Variants in NRXN3 observed in about 807,000 individuals in gnomAD.
NRXN3 encodes the protein neurexin 3.
Under a neutral mutation model 137.6 loss-of-function variants are expected in NRXN3, and 32 were observed. The ratio of observed to expected loss-of-function variants is 0.23; its 90% CI spans 0.18 to 0.31. NRXN3 has a LOEUF of 0.31. NRXN3 is among the 10% of genes least tolerant of loss of function. NRXN3 has a pLI of 1.00. For missense variants in NRXN3, 1,574 were observed against 2,062.5 expected, an observed-to-expected ratio of 0.76 and a Z score of 4.59; for synonymous variants, 798 against 784.5, an observed-to-expected ratio of 1.02 and a Z score of -0.29.
chr14:79,022,301 T>C (rs2099591068), intron 15 of NRXN3, among the ~76,000 whole-genome samples: 2 of 152,206 alleles, frequency 1.3e-5, no homozygotes, highest in Non-Finnish European at 1.5e-5. Context: ...GCTAGTACAA[T>C]GTACCATGTG....
rs1308848922 is a variant in NRXN3 at position 79,626,407 on chromosome 14, C to CT, written c.3445-37358dup. On this transcript the variant is annotated intron_variant, in intron 16 of 20. Coordinates refer to ENST00000335750, the MANE Select transcript of NRXN3 (RefSeq NM_001330195.2). ...TGGTTCATGTCTTCATAGTCATTTT[C>CT]TTTTTTTTTTTTTAAACCACTGAAA... Among the ~76,000 whole-genome samples the CT allele has an allele frequency of 2.2e-3, 317 of 141,172 alleles. 4 individuals are homozygous for CT. The East Asian group carries it at 0.03, about 13-fold the overall frequency. 92.6% of individuals were successfully genotyped at this position (141,172 alleles called of 152,430 possible).
chr14:79,745,020 GAAAA>G (rs35666988), intron 19 of NRXN3, among the ~76,000 whole-genome samples: 1 of 106,880 alleles, frequency 9.4e-6, no homozygotes. Context: ...CATATCTTTA[GAAAA>G]AAAAAAAAAA....
intron 10 of NRXN3, among the ~76,000 whole-genome samples, chr14:78,912,809 T>C (rs1482372456): frequency 6.6e-6 from 1 of 152,200 alleles, no homozygotes; most frequent in African/African-American, 2.4e-5. Context: ...TGAGAATACA[T>C]GGAGGATTAT....
intron 20 of NRXN3, among the ~76,000 whole-genome samples, chr14:79,811,581 C>CTTTTT (rs370942970): frequency 4.3e-5 from 5 of 116,610 alleles, no homozygotes; most frequent in African/African-American, 6.5e-5. Context: ...TTTCTTTTTT[C>CTTTTT]TTTTTTTTTT....
In NRXN3 at chr14:79,865,652, T is replaced by C. The variant is rs2099417802; in HGVS notation, c.*3688T>C. The C allele has an allele frequency of 3.3e-5, 5 of 152,284 alleles. No individual in the cohort carries two copies. Among genetic ancestry groups the C allele is most frequent in the South Asian group, 4.1e-4 (2 of 4,826 alleles). The allele number at this position is 152,284 out of a possible 1,614,324, so 9.4% of individuals were successfully genotyped here. ...GTATTAGATGTTCTCCCATCATTTT[T>C]TGAGATGGAGTCTTGCAGCCTACAG... is the stretch of plus-strand genomic sequence containing the variant. On this transcript the variant is annotated 3_prime_UTR_variant, in exon 21 of 21. Transcript: ENST00000335750.
intron 1 of NRXN3, among the ~76,000 whole-genome samples, chr14:78,217,327 C>A (rs1251050268): frequency 6.6e-6 from 1 of 152,006 alleles, no homozygotes; most frequent in Non-Finnish European, 1.5e-5. Flanking sequence ...TATTGTTAAC[C>A]ATCTTCTCAC....
chr14:79,114,761 C>G (rs1159920502), intron 15 of NRXN3, among the ~76,000 whole-genome samples: 1 of 152,066 alleles, frequency 6.6e-6, no homozygotes, highest in Non-Finnish European at 1.5e-5. Context: ...CTCCTGGGCT[C>G]AAGCGATGCT....
intron 16 of NRXN3, among the ~76,000 whole-genome samples, chr14:79,519,218 A>G (rs1567363949): frequency 1.3e-5 from 2 of 152,084 alleles, no homozygotes; most frequent in African/African-American, 4.8e-5. Context: ...ATTTGCACAG[A>G]GTTAGCCAAG....
At chr14:79,085,623 G>A (rs1201966897) in intron 15 of NRXN3, among the ~76,000 whole-genome samples, 1 of 152,004 alleles carries the variant, frequency 6.6e-6, no homozygotes, top group Non-Finnish European at 1.5e-5. Flanking sequence ...TAATGACTTG[G>A]GCTTATGGAA....
chr14:78,662,165 C>A (rs1005602523), intron 6 of NRXN3, among the ~76,000 whole-genome samples: 3 of 151,934 alleles, frequency 2.0e-5, no homozygotes, highest in African/African-American at 4.8e-5. Flanking sequence ...AGCCACTGCG[C>A]CAGGCCCAGA....
chr14:78,547,880 A>T (rs2096651370), intron 4 of NRXN3, among the ~76,000 whole-genome samples: 1 of 152,174 alleles, frequency 6.6e-6, no homozygotes, highest in Admixed American at 6.5e-5. Flanking sequence ...AGAAAAATAC[A>T]TTCATGTCAT....
At chr14:79,154,071 T>C (rs2060035376) in intron 15 of NRXN3, among the ~76,000 whole-genome samples, 1 of 152,020 alleles carries the variant, frequency 6.6e-6, no homozygotes, top group South Asian at 2.1e-4. Flanking sequence ...TAGCACTTAC[T>C]ACTCTTTTAT....
intron 4 of NRXN3, among the ~76,000 whole-genome samples, chr14:78,334,020 G>A (rs1034444486): frequency 6.6e-6 from 1 of 152,116 alleles, no homozygotes; most frequent in African/African-American, 2.4e-5. Flanking sequence ...GAATATGGGT[G>A]TGAGAAGAGA....
intron 15 of NRXN3, among the ~76,000 whole-genome samples, chr14:79,090,231 A>T (rs1348543669): frequency 1.3e-5 from 2 of 152,098 alleles, no homozygotes; most frequent in Admixed American, 1.3e-4. Flanking sequence ...CTGCTTTTAG[A>T]CTTCTCATTG....
intron 15 of NRXN3, among the ~76,000 whole-genome samples, chr14:79,265,918 A>G (rs2078399547): frequency 6.6e-6 from 1 of 152,116 alleles, no homozygotes; most frequent in Admixed American, 6.5e-5. Flanking sequence ...TTTGTCATCT[A>G]TAGTCATTTG....
At chr14:78,188,740 A>G (rs2153369367) in intron 1 of NRXN3, among the ~76,000 whole-genome samples, 1 of 152,304 alleles carries the variant, frequency 6.6e-6, no homozygotes, top group Middle Eastern at 3.4e-3. Context: ...TTGGGCAAGT[A>G]ATTTCCCTTC....
At chr14:79,562,349 C>T (rs984717640) in intron 16 of NRXN3, among the ~76,000 whole-genome samples, 1 of 152,052 alleles carries the variant, frequency 6.6e-6, no homozygotes, top group African/African-American at 2.4e-5. Flanking sequence ...TAGTGTCTTC[C>T]CTTGTGGTCG....
chr14:79,199,960 A>T (rs1347999787), intron 15 of NRXN3: 1 of 152,178 alleles, frequency 6.6e-6, no homozygotes, highest in Non-Finnish European at 1.5e-5. Context: ...GTCACTATGG[A>T]GAAGAAAGAC....
At position 78,317,632 on chromosome 14, in the gene NRXN3, T is replaced by A. The variant is rs145784266; in HGVS notation, c.757+19772T>A. On this transcript the variant is annotated intron_variant, in intron 4 of 20. Transcript: ENST00000335750. ...CTGGATTAGATGATGCTTGCCCACA[T>A]TGGGGAGGGCAATTTGCTTCACTCA... 9.0e-4 allele frequency among the ~76,000 whole-genome samples: 137 copies of A among 152,324 alleles called. 1 individual carries two copies. Among genetic ancestry groups the A allele is most frequent in the African/African-American group, 2.7e-3 (112 of 41,572 alleles).
Sources: allele counts gnomAD v4.1 joint callset (sites outside exome capture counted in the v4.1 genomes callset), GRCh38; gene constraint gnomAD v4.1.1; transcripts MANE v1.5; gene names NCBI Gene and HGNC (gene_info 2026-07-23, HGNC 2026-07-21).